PIAS4: variants seen among roughly 807,000 people sequenced by gnomAD.
PIAS4 encodes the protein protein inhibitor of activated STAT 4, also known as E3 SUMO-protein ligase PIAS4.
PIAS4 carries 7 observed loss-of-function variants against 58.0 expected under a neutral mutation model. The observed-to-expected ratio is 0.12, with a 90% confidence interval of 0.07 to 0.23. The LOEUF is 0.23. Ranked by LOEUF, PIAS4 falls within the 10% of genes least tolerant of loss-of-function variation. PIAS4 has a pLI of 1.00. For missense variants in PIAS4, 550 were observed against 709.5 expected, an observed-to-expected ratio of 0.78 and a Z score of 2.55; for synonymous variants, 364 against 312.4, an observed-to-expected ratio of 1.17 and a Z score of -1.74.
intron 9 of PIAS4, among the ~76,000 whole-genome samples, chr19:4,035,627 C>T (rs1036518494): frequency 6.6e-6 from 1 of 152,034 alleles, no homozygotes. Flanking sequence ...TCTGCAGGGG[C>T]TTTGAGCAGC....
rs1268349687 is a variant in PIAS4, at chr19:4,029,358, A to G, written c.907+322A>G. On this transcript the variant is annotated intron_variant, in intron 7 of 10. Transcript: ENST00000262971. ...ATTCCGGGACAGCACAGAGGCCGGG[A>G]GGGGTGAGAGGAGCACAGAGGGAGC... Among the ~76,000 whole-genome samples the G allele has an allele frequency of 2.6e-5, 4 of 152,056 alleles. No individual in the cohort carries two copies. In the East Asian group the frequency reaches 7.8e-4, roughly 30 times the overall value.
In PIAS4 at chr19:4,028,527, C is replaced by G; in HGVS notation, c.599C>G (p.Thr200Ser). ...QVVLRICYSD[T>S]SCPQEDQYPP... The stretch of plus-strand genomic sequence containing the variant: ...CGTTGCAGAATCTGTTACTCAGACA[C>G]CAGCTGCCCTCAGGAGGACCAGTAC... The change falls in exon 5 of 11, where the codon ACC (threonine) becomes AGC (serine). Residue 200 changes from threonine to serine, a missense_variant. Thr to Ser is a moderately conservative substitution (Grantham distance 58, BLOSUM62 1). Transcript: ENST00000262971. 4 of 1,612,852 alleles carry G rather than the reference C, an allele frequency of 2.5e-6. No homozygotes were observed. Among genetic ancestry groups the G allele is most frequent in the Non-Finnish European group, 3.4e-6 (4 of 1,179,802 alleles).
intron 3 of PIAS4, among the ~76,000 whole-genome samples, chr19:4,027,943 T>A (rs1002250920): frequency 2.6e-5 from 4 of 152,016 alleles, no homozygotes; most frequent in Non-Finnish European, 4.4e-5. Context: ...TCTGTTGCAT[T>A]TTCCAGGGAG....
chr19:4,029,943 C>T (rs1311109257), intron 7 of PIAS4, among the ~76,000 whole-genome samples: 1 of 151,414 alleles, frequency 6.6e-6, no homozygotes, highest in Non-Finnish European at 1.5e-5. Flanking sequence ...CTGCCTCAGC[C>T]TCCTGAGTAG....
Position 4,038,086 on chromosome 19 carries a change from A to G in PIAS4, c.*211A>G, listed in dbSNP as rs1407279234. On this transcript the variant is annotated 3_prime_UTR_variant, in exon 11 of 11. Coordinates refer to ENST00000262971, the MANE Select transcript of PIAS4 (RefSeq NM_015897.4). This position sits in a 1 kb window ranked among gnomAD's most constrained non-coding sequence, Gnocchi z 4.1. The stretch of plus-strand genomic sequence containing the variant: ...GTAAAATGACAAAAAAAGATACAAA[A>G]AAGAAAAATGAAACAAAAAAGTCAA... The G allele has an allele frequency of 1.8e-6, 1 of 557,798 alleles. No homozygotes were observed. The highest frequency in any genetic ancestry group is 2.0e-5 in the African/African-American group (1 of 50,078). 34.6% of individuals were successfully genotyped at this position (557,798 alleles called of 1,614,324 possible). A position where few individuals can be genotyped will look rare whatever the true frequency, so the allele number is the denominator to read the frequency against.
chr19:4,015,814 G>A (rs866559006), intron 2 of PIAS4, among the ~76,000 whole-genome samples: 6 of 152,310 alleles, frequency 3.9e-5, no homozygotes, highest in Middle Eastern at 3.4e-3. Context: ...CTGTTTCCCC[G>A]GAATAGCCGC....
intron 2 of PIAS4, among the ~76,000 whole-genome samples, chr19:4,020,388 C>A (rs933076554): frequency 6.6e-6 from 1 of 152,166 alleles, no homozygotes; most frequent in Admixed American, 6.6e-5. Context: ...TGATGAGCTC[C>A]AGCCTTTACC....
chr19:4,010,917 T>C (rs2039986579), intron 1 of PIAS4, among the ~76,000 whole-genome samples: 1 of 152,208 alleles, frequency 6.6e-6, no homozygotes, highest in Admixed American at 6.5e-5. Context: ...GTCCCTGTCA[T>C]TTTGAGCCTG....
intron 7 of PIAS4, among the ~76,000 whole-genome samples, chr19:4,030,594 G>A (rs2040213938): frequency 6.6e-6 from 1 of 151,752 alleles, no homozygotes; most frequent in South Asian, 2.1e-4. Context: ...ACTCCAGCCT[G>A]GGTGAGAGTG....
chr19:4,020,249 A>G (rs1408096265), intron 2 of PIAS4, among the ~76,000 whole-genome samples: 1 of 152,128 alleles, frequency 6.6e-6, no homozygotes, highest in Non-Finnish European at 1.5e-5. Flanking sequence ...GTTCCAAGAC[A>G]GTGCTGGTAG....
At position 4,007,947 on chromosome 19, in the gene PIAS4, G is replaced by GGGCGGGGGGCGGGGA. The variant is rs1368798139; in HGVS notation, c.27+164_27+178dup. Among the ~76,000 whole-genome samples, 5 of 151,304 alleles carry GGGCGGGGGGCGGGGA rather than the reference G, an allele frequency of 3.3e-5. No homozygotes were observed. In the South Asian group the frequency reaches 6.3e-4, roughly 19 times the overall value. On this transcript the variant is annotated intron_variant, in intron 1 of 10. Coordinates refer to ENST00000262971, the MANE Select transcript of PIAS4 (RefSeq NM_015897.4). ...ACCCCGACCCCCGGTCTCAGGGTGA[G>GGGCGGGGGGCGGGGA]GGCGGGGGGCGGGGAGGCCGGGGGC...
At chr19:4,033,684 C>A in intron 9 of PIAS4, 104 bp downstream of exon 9, 2 of 940,812 alleles carry the variant, frequency 2.1e-6, no homozygotes, top group Non-Finnish European at 1.6e-6. Context: ...CAAGACACAG[C>A]AGTGGGGGCA....
chr19:4,014,810 C>T (rs184844117), intron 2 of PIAS4, among the ~76,000 whole-genome samples: 5 of 152,346 alleles, frequency 3.3e-5, no homozygotes, highest in Non-Finnish European at 7.4e-5. Context: ...AGGGAGGCAG[C>T]GTTGATGGGG....
rs1599236404 is a variant in PIAS4, at chr19:4,037,287, T to G, written c.1143-87T>G. 6.9e-7 allele frequency: 1 copy of G among 1,448,006 alleles called. No individual in the cohort carries two copies. Among genetic ancestry groups the G allele is most frequent in the South Asian group, 1.3e-5 (1 of 77,486 alleles). The allele number at this position is 1,448,006 out of a possible 1,614,324, so 89.7% of individuals were successfully genotyped here. ...CTTGCAGAGAGAAGTGGGGAGTGCC[T>G]GGCTGCATCCGGGAGGGATGGAGGG... is the stretch of plus-strand genomic sequence containing the variant. On this transcript the variant is annotated intron_variant, in intron 9 of 10. Transcript: ENST00000262971. This position sits in a 1 kb window ranked among gnomAD's most constrained non-coding sequence, Gnocchi z 5.8.
intron 2 of PIAS4, among the ~76,000 whole-genome samples, chr19:4,014,226 C>A (rs571631027): frequency 6.6e-6 from 1 of 152,282 alleles, no homozygotes; most frequent in East Asian, 1.9e-4. Context: ...TCTTTGTCTG[C>A]AAGCACTGAC....
intron 9 of PIAS4, among the ~76,000 whole-genome samples, chr19:4,034,982 G>C (rs1187839811): frequency 6.6e-6 from 1 of 152,240 alleles, no homozygotes; most frequent in Non-Finnish European, 1.5e-5. Flanking sequence ...AGCAGAGCCA[G>C]ACATAAACGT....
intron 2 of PIAS4, among the ~76,000 whole-genome samples, chr19:4,020,435 C>G (rs1385016073): frequency 6.6e-6 from 1 of 152,128 alleles, no homozygotes. Flanking sequence ...AAGGGCTTGC[C>G]TGTCATCTCG....
In PIAS4 at chr19:4,030,074, G is replaced by A. The variant is rs564988271; in HGVS notation, c.907+1038G>A. On this transcript the variant is annotated intron_variant, in intron 7 of 10. Transcript: ENST00000262971. Reference sequence around the variant, plus strand: ...CCTGACCTCGTGATCCGCTTGCCTCGGCCTCCCAAAGTGCTGGGATTACAG... The same window carrying A: ...CCTGACCTCGTGATCCGCTTGCCTCAGCCTCCCAAAGTGCTGGGATTACAG... Among the ~76,000 whole-genome samples, 5 of 151,200 alleles carry A rather than the reference G, an allele frequency of 3.3e-5. No homozygotes were observed. The East Asian group carries it at 5.9e-4, about 18-fold the overall frequency.
chr19:4,035,032 C>T (rs1430344530), intron 9 of PIAS4, among the ~76,000 whole-genome samples: 1 of 152,080 alleles, frequency 6.6e-6, no homozygotes, highest in African/African-American at 2.4e-5. Flanking sequence ...GGAAGAGAAG[C>T]TGTGGGGTGG....
Sources: gnomAD v4.1 joint callset for allele counts (sites outside exome capture counted in the v4.1 genomes callset) on GRCh38, gnomAD v4.1.1 for gene constraint, Gnocchi (gnomAD v3.1) non-coding constraint, MANE v1.5 for transcripts, NCBI Gene and HGNC (gene_info 2026-07-23, HGNC 2026-07-21) for gene names.